Variants in IRF2BP2 observed in about 807,000 individuals in gnomAD.
The protein encoded by IRF2BP2 is interferon regulatory factor 2 binding protein 2.
IRF2BP2 carries 13 observed loss-of-function variants against 32.7 expected under a neutral mutation model. The ratio of observed to expected loss-of-function variants is 0.40; its 90% confidence interval spans 0.26 to 0.63. IRF2BP2 has a LOEUF of 0.63. Among genes scored for constraint, IRF2BP2 ranks in the 30% least tolerant of loss-of-function variants. The pLI is 0.42. For synonymous variants in IRF2BP2, 555 were observed against 384.6 expected (o/e 1.44, Z -5.18); for missense variants, 980 against 830.6 (o/e 1.18, Z -2.21).
Position 234,608,659 on chromosome 1 carries a change from GC to G in IRF2BP2, c.835del (p.Ala279ProfsTer4). 2.0e-6 allele frequency: 3 copies of G among 1,532,408 alleles called. No homozygotes were observed. In the South Asian group the frequency reaches 3.7e-5, roughly 19 times the overall value. The allele number at this position is 1,532,408 out of a possible 1,614,324, so 94.9% of individuals were successfully genotyped here. ...PADSLSTAAGAAELSAEGAGK... is the reference protein window; with the variant it reads ...PADSLSTAAGXAELSAEGAGK... ...CGCACCTTCCGCGCTCAGCTCGGCG[GC>G]CCCGGCCGCGGTGGACAGGCTGTCG... On this transcript the variant is annotated frameshift_variant, in exon 1 of 2. Transcript: ENST00000366609. LOFTEE classifies it high-confidence loss of function.
chr1:234,606,455 T>C lies in IRF2BP2; in HGVS notation c.*682A>G, dbSNP rs145600370. The C allele has an allele frequency of 1.1e-4, 16 of 149,380 alleles. No individual in the cohort carries two copies. The highest frequency in any genetic ancestry group is 3.7e-4 in the African/African-American group (15 of 40,128). The allele number at this position is 149,380 out of a possible 1,614,324, so 9.3% of individuals were successfully genotyped here. On this transcript the variant is annotated 3_prime_UTR_variant, in exon 2 of 2. Transcript: ENST00000366609. The stretch of plus-strand genomic sequence containing the variant: ...GGACAGTGAACAGCGGTCAACTTTG[T>C]CTTAAAAAAAAAAAAACAAAAAACC...
At position 234,608,753 on chromosome 1, in the gene IRF2BP2, C is replaced by G; in HGVS notation, c.742G>C (p.Glu248Gln). The change falls in exon 1 of 2, where the codon GAG becomes CAG. Residue 248 changes from glutamate to glutamine, a missense_variant. Physicochemically the swap from Glu to Gln is conservative, Grantham distance 29 (BLOSUM62 2). Transcript: ENST00000366609. ...PASVSSSAAV[E>Q]HEQREAAAKE... The stretch of plus-strand genomic sequence containing the variant: ...GCTGCCGCCTCACGCTGCTCGTGCT[C>G]CACGGCAGCGCTGCTCGACACGGAT... The G allele has an allele frequency of 6.7e-7, 1 of 1,495,908 alleles. No homozygotes were observed. The highest frequency in any genetic ancestry group is 8.8e-7 in the Non-Finnish European group (1 of 1,133,208). 92.7% of individuals were successfully genotyped at this position (1,495,908 alleles called of 1,614,324 possible). A position where few individuals can be genotyped will look rare whatever the true frequency, so the allele number is the denominator to read the frequency against.
Position 234,608,642 on chromosome 1 carries a change from C to G in IRF2BP2, c.853G>C (p.Glu285Gln), listed in dbSNP as rs1272770284. Residue 285 changes from glutamate (E) to glutamine (Q), a missense_variant, in exon 1 of 2, where the codon GAA becomes CAA. Coordinates refer to ENST00000366609, the MANE Select transcript of IRF2BP2 (RefSeq NM_182972.3). ...TAAGAAELSA[E>Q]GAGKSRGSGE... ...GACCCGCGGCTCTTGCCCGCACCTT[C>G]CGCGCTCAGCTCGGCGGCCCCGGCC... 1.3e-6 allele frequency: 2 copies of G among 1,552,440 alleles called. No homozygotes were observed. The highest frequency in any genetic ancestry group is 1.9e-5 in the Admixed American group (1 of 52,634).
In IRF2BP2 at chr1:234,609,611, C is replaced by CCAGCGGCGGCGGCGGCCGCAAAGG. The variant is rs1429708685; in HGVS notation, c.-141_-118dup. The CCAGCGGCGGCGGCGGCCGCAAAGG allele has an allele frequency of 1.5e-5, 7 of 470,030 alleles. No homozygotes were observed. In the East Asian group the frequency reaches 2.6e-4, roughly 18 times the overall value. The allele number at this position is 470,030 out of a possible 1,614,324, so 29.1% of individuals were successfully genotyped here. A position where few individuals can be genotyped will look rare whatever the true frequency, so the allele number is the denominator to read the frequency against. ...CCCCCCCAACCCCGCGTCTCCCCCACCAGCGGCGGCGGCGGCCGCAAAGGC... is the reference window on the plus strand; with the variant it reads ...CCCCCCCAACCCCGCGTCTCCCCCACCAGCGGCGGCGGCGGCCGCAAAGGCAGCGGCGGCGGCGGCCGCAAAGGC... On this transcript the variant is annotated 5_prime_UTR_variant, in exon 1 of 2. Transcript: ENST00000366609.
chr1:234,607,986 CAT>C (rs1571957398), intron 1 of IRF2BP2, 134 bp from the exon 2 acceptor site: 1 of 697,442 alleles, frequency 1.4e-6, no homozygotes, highest in Non-Finnish European at 2.3e-6. Context: ...AGAAAATACT[CAT>C]ATACGAGTTT....
Position 234,607,712 on chromosome 1 carries a change from A to G in IRF2BP2, c.1189T>C (p.Phe397Leu), listed in dbSNP as rs1313131758. ...GCAGTGGGTGGTGGCGGAGACACAA[A>G]AGAGGATGTAGGAGTCATGGGGATC... Reference protein sequence around the residue: ...LKIPMTPTSSFVSPPPPTASP... With the variant: ...LKIPMTPTSSLVSPPPPTASP... The change falls in exon 2 of 2, where the codon TTT (phenylalanine) becomes CTT (leucine). Residue 397 changes from phenylalanine to leucine, a missense_variant. Transcript: ENST00000366609. 6.2e-7 allele frequency: 1 copy of G among 1,614,146 alleles called. No individual in the cohort carries two copies. Among genetic ancestry groups the G allele is most frequent in the Non-Finnish European group, 8.5e-7 (1 of 1,180,014 alleles).
Position 234,606,617 on chromosome 1 carries a change from T to A in IRF2BP2, c.*520A>T, listed in dbSNP as rs968125557. The A allele has an allele frequency of 2.0e-5, 3 of 153,192 alleles. No individual in the cohort carries two copies. Among genetic ancestry groups the A allele is most frequent in the Admixed American group, 6.5e-5 (1 of 15,414 alleles). 9.5% of individuals were successfully genotyped at this position (153,192 alleles called of 1,614,324 possible). On this transcript the variant is annotated 3_prime_UTR_variant, in exon 2 of 2. Coordinates refer to ENST00000366609, the MANE Select transcript of IRF2BP2 (RefSeq NM_182972.3). ...CTGAGGACAATGTTTCAGGGTAAAC[T>A]GGTGGTATTTCCCAGTGGCATGCCC...
In IRF2BP2 at chr1:234,605,007, G is replaced by A. The variant is rs142303937; in HGVS notation, c.*2130C>T. On this transcript the variant is annotated 3_prime_UTR_variant, in exon 2 of 2. Transcript: ENST00000366609. Reference sequence around the variant, plus strand: ...TAAACACCAGTACAGAGAAACCACAGGTTGCCCTTTCCACAGCTGGATAGA... The same window carrying A: ...TAAACACCAGTACAGAGAAACCACAAGTTGCCCTTTCCACAGCTGGATAGA... The A allele has an allele frequency of 6.6e-6, 1 of 152,308 alleles. No individual in the cohort carries two copies. The highest frequency in any genetic ancestry group is 6.5e-5 in the Admixed American group (1 of 15,296). The allele number at this position is 152,308 out of a possible 1,614,324, so 9.4% of individuals were successfully genotyped here.
Position 234,608,459 on chromosome 1 carries a change from C to A in IRF2BP2, c.1036G>T (p.Gly346Trp), listed in dbSNP as rs926125385. ...LLGFEANGAN[G>W]SKAVARTARK... is the part of the protein sequence containing the mutation. ...CAGCCGCCCCTACCTGCTTTAGACCCGTTGGCCCCGTTGGCCTCGAAACCC... is the reference window on the plus strand; with the variant it reads ...CAGCCGCCCCTACCTGCTTTAGACCAGTTGGCCCCGTTGGCCTCGAAACCC... Residue 346 changes from glycine to tryptophan, a missense_variant, in exon 1 of 2, where the codon GGG becomes TGG. Transcript: ENST00000366609. The A allele has an allele frequency of 3.6e-5, 57 of 1,582,780 alleles. No individual in the cohort carries two copies. The highest frequency in any genetic ancestry group is 4.8e-5 in the Non-Finnish European group (56 of 1,162,980).
In IRF2BP2 at chr1:234,610,048, G is replaced by A. The variant is rs1263109540; in HGVS notation, c.-554C>T. The stretch of plus-strand genomic sequence containing the variant: ...AGCTCGGGCGCGGCGCGGGCCCCGG[G>A]TCGCTCCGCCGCTCTCTCACAGCTC... On this transcript the variant is annotated 5_prime_UTR_variant, in exon 1 of 2. Coordinates refer to ENST00000366609, the MANE Select transcript of IRF2BP2 (RefSeq NM_182972.3). 6.1e-5 allele frequency among the ~76,000 whole-genome samples: 9 copies of A among 146,776 alleles called. No individual in the cohort carries two copies. Among genetic ancestry groups the A allele is most frequent in the African/African-American group, 1.7e-4 (7 of 40,820 alleles).
rs775452096 is a variant in IRF2BP2, at chr1:234,609,450, C to A, written c.45G>T (p.Ser15=). 1 of 1,534,422 alleles carries A rather than the reference C, an allele frequency of 6.5e-7. No individual in the cohort carries two copies. Among genetic ancestry groups the A allele is most frequent in the African/African-American group, 1.4e-5 (1 of 69,720 alleles). The change falls in exon 1 of 2, where the codon TCG becomes TCT. Residue 15 remains serine (S), a synonymous_variant. Transcript: ENST00000366609. ...TGCGGGGCAGGTCACACAGGTAGCA[C>A]GACTGCCGCCGGGACGCGGCCGCCA... ...VAVAAASRRQ[S]CYLCDLPRMP...
At chr1:234,608,338 G>A in intron 1 of IRF2BP2, 109 bp downstream of exon 1, 2 of 924,928 alleles carry the variant, frequency 2.2e-6, no homozygotes, top group Non-Finnish European at 3.2e-6. Context: ...GAAGTGGGGT[G>A]TTTGTTGTTT....
Position 234,609,896 on chromosome 1 carries a change from C to T in IRF2BP2, c.-402G>A, listed in dbSNP as rs1196630114. On this transcript the variant is annotated 5_prime_UTR_variant, in exon 1 of 2. Coordinates refer to ENST00000366609, the MANE Select transcript of IRF2BP2 (RefSeq NM_182972.3). ...GAGCGCAGCAGGTCGCGGCGGCGGCCGGCACGGAGTGCGGGGCGGGGGGCG... is the reference window on the plus strand; with the variant it reads ...GAGCGCAGCAGGTCGCGGCGGCGGCTGGCACGGAGTGCGGGGCGGGGGGCG... 8.2e-6 allele frequency among the ~76,000 whole-genome samples: 1 copy of T among 121,334 alleles called. No homozygotes were observed. The highest frequency in any genetic ancestry group is 1.7e-5 in the Non-Finnish European group (1 of 58,428). 79.6% of individuals were successfully genotyped at this position (121,334 alleles called of 152,430 possible).
rs1214621282 is a variant in IRF2BP2 at position 234,609,149 on chromosome 1, G to A, written c.346C>T (p.Arg116Cys). The A allele has an allele frequency of 5.6e-6, 7 of 1,246,680 alleles. No individual in the cohort carries two copies. The highest frequency in any genetic ancestry group is 3.1e-5 in the South Asian group (1 of 31,790). 77.2% of individuals were successfully genotyped at this position (1,246,680 alleles called of 1,614,324 possible). ...TCGGCCGCGGCCGCCAACGGGTAGC[G>A]CTCCAAGGCCTGCGGCGCGCGCGGG... Reference protein sequence around the residue: ...AAPRAPQALERYPLAAAAERP... With the variant: ...AAPRAPQALECYPLAAAAERP... Residue 116 changes from arginine (R) to cysteine (C), a missense_variant, in exon 1 of 2, where the codon CGC becomes TGC. By Grantham distance (180) the Arg-to-Cys change is radical. Transcript: ENST00000366609.
intron 1 of IRF2BP2, 133 bp downstream of exon 1, chr1:234,608,314 C>T (rs1285166740): frequency 2.6e-6 from 2 of 760,440 alleles, no homozygotes; most frequent in Admixed American, 3.3e-5. Flanking sequence ...CTGGTTCCGC[C>T]TCAGGCAGAT....
In IRF2BP2 at chr1:234,609,788, G is replaced by A; in HGVS notation, c.-294C>T. ...CGGGCGGGCGGCGCGGCGCGGCGGGGCGGCGGGCGCGGCGGTGGGGGCTCG... is the reference window on the plus strand; with the variant it reads ...CGGGCGGGCGGCGCGGCGCGGCGGGACGGCGGGCGCGGCGGTGGGGGCTCG... On this transcript the variant is annotated 5_prime_UTR_variant, in exon 1 of 2. Coordinates refer to ENST00000366609, the MANE Select transcript of IRF2BP2 (RefSeq NM_182972.3). 6.9e-6 allele frequency among the ~76,000 whole-genome samples: 1 copy of A among 144,054 alleles called. No individual in the cohort carries two copies. The highest frequency in any genetic ancestry group is 2.0e-4 in the East Asian group (1 of 4,920). 94.5% of individuals were successfully genotyped at this position (144,054 alleles called of 152,430 possible).
At position 234,610,133 on chromosome 1, in the gene IRF2BP2, G is replaced by A. The variant is rs1418492655; in HGVS notation, c.-639C>T. Among the ~76,000 whole-genome samples the A allele has an allele frequency of 2.0e-5, 3 of 148,322 alleles. No individual in the cohort carries two copies. Among genetic ancestry groups the A allele is most frequent in the Admixed American group, 1.3e-4 (2 of 14,940 alleles). On this transcript the variant is annotated 5_prime_UTR_variant, in exon 1 of 2. Transcript: ENST00000366609. The stretch of plus-strand genomic sequence containing the variant: ...GCCAGCCCGCCTCAGCTCCGCCGCC[G>A]CCACCGTCGCTGCTGCTGCTGCCGC...
chr1:234,607,314 G>A lies in IRF2BP2; in HGVS notation c.1587C>T (p.Phe529=), dbSNP rs1288000907. 5.0e-6 allele frequency: 8 copies of A among 1,614,240 alleles called. No individual in the cohort carries two copies. Among genetic ancestry groups the A allele is most frequent in the Non-Finnish European group, 5.9e-6 (7 of 1,180,040 alleles). ...VQCPSVPSHK[F]CFPCSRQSIK... ...TGCTTTGTCTGGAGCAAGGGAAGCA[G>A]AACTTGTGCGAAGGGACGGACGGGC... is the stretch of plus-strand genomic sequence containing the variant. Residue 529 remains phenylalanine, a synonymous_variant, in exon 2 of 2, where the codon TTC becomes TTT. Coordinates refer to ENST00000366609, the MANE Select transcript of IRF2BP2 (RefSeq NM_182972.3).
Position 234,607,482 on chromosome 1 carries a change from C to T in IRF2BP2, c.1419G>A (p.Glu473=). ...TGTTGCCTGCTCCCTGGCCCCCCACCTCTCTGGGGCCCAGCCTTCTTTGGT... is the reference window on the plus strand; with the variant it reads ...TGTTGCCTGCTCCCTGGCCCCCCACTTCTCTGGGGCCCAGCCTTCTTTGGT... ...SMNQRRLGPR[E]VGGQGAGNTG... The change falls in exon 2 of 2, where the codon GAG becomes GAA. Residue 473 remains glutamate (E), a synonymous_variant. Coordinates refer to ENST00000366609, the MANE Select transcript of IRF2BP2 (RefSeq NM_182972.3). 1.2e-6 allele frequency: 2 copies of T among 1,614,158 alleles called. No individual in the cohort carries two copies. Among genetic ancestry groups the T allele is most frequent in the Non-Finnish European group, 1.7e-6 (2 of 1,179,966 alleles).
Sources: gnomAD v4.1 joint callset for allele counts (sites outside exome capture counted in the v4.1 genomes callset) on GRCh38, gnomAD v4.1.1 for gene constraint, MANE v1.5 for transcripts, NCBI Gene and HGNC (gene_info 2026-07-23, HGNC 2026-07-21) for gene names.